The following HDAC9 variants were observed in gnomAD, a reference collection of about 807,000 sequenced individuals.
The protein encoded by HDAC9 is histone deacetylase 9.
A neutral mutation model predicts 139.4 loss-of-function variants in HDAC9; 41 were observed. The observed-to-expected ratio is 0.29, with a 90% CI of 0.23 to 0.38. HDAC9 has a LOEUF of 0.38. Among genes scored for constraint, HDAC9 ranks in the 10% least tolerant of loss-of-function variants. HDAC9 has a pLI of 1.00. For synonymous variants in HDAC9, 517 were observed against 476.2 expected, an observed-to-expected ratio of 1.09 and a Z score of -1.12; for missense variants, 1,147 against 1,297.0, an observed-to-expected ratio of 0.88 and a Z score of 1.78.
chr7:18,919,284 T>A (rs1395849962), intron 22 of HDAC9, among the ~76,000 whole-genome samples: 1 of 152,062 alleles, frequency 6.6e-6, no homozygotes. Flanking sequence ...TAACTGTTTA[T>A]ACTTCATCAT....
Position 18,732,837 on chromosome 7 carries a change from G to GTA in HDAC9, c.1909+5081_1909+5082dup, listed in dbSNP as rs1394604384. ...CACACGTGTGTATGTGTGCGTATGT[G>GTA]TACACACACGTGTGTATGTGTGCGT... is the stretch of plus-strand genomic sequence containing the variant. On this transcript the variant is annotated intron_variant, in intron 13 of 25. Coordinates refer to ENST00000686413, the MANE Select transcript of HDAC9 (RefSeq NM_178425.4). Among the ~76,000 whole-genome samples the GTA allele has an allele frequency of 6.0e-4, 57 of 94,592 alleles. 2 individuals carry two copies. Among genetic ancestry groups the GTA allele is most frequent in the African/African-American group, 1.7e-3 (31 of 18,732 alleles). The allele number at this position is 94,592 out of a possible 152,430, so 62.1% of individuals were successfully genotyped here.
At chr7:18,393,091 A>C (rs1411930900) in intron 1 of HDAC9, among the ~76,000 whole-genome samples, 1 of 151,136 alleles carries the variant, frequency 6.6e-6, no homozygotes, top group East Asian at 1.9e-4. Context: ...ATACAAAAAA[A>C]TTGCTGATGA....
chr7:18,552,617 A>T lies in HDAC9; in HGVS notation c.23-32664A>T, dbSNP rs181188663. On this transcript the variant is annotated intron_variant, in intron 2 of 25. Transcript: ENST00000686413. ...TTTTCTGGTGAGCAATTTAACTGCTACCTCCATTTGGCATATTCTCCCACT... is the reference window on the plus strand; with the variant it reads ...TTTTCTGGTGAGCAATTTAACTGCTTCCTCCATTTGGCATATTCTCCCACT... Among the ~76,000 whole-genome samples the T allele has an allele frequency of 1.8e-4, 27 of 152,258 alleles. 1 individual carries two copies. In the East Asian group the frequency reaches 5.0e-3, roughly 28 times the overall value.
intron 21 of HDAC9, among the ~76,000 whole-genome samples, chr7:18,861,667 T>C (rs373513128): frequency 1.3e-5 from 2 of 152,342 alleles, no homozygotes; most frequent in South Asian, 4.1e-4. Context: ...GAAATGTTAC[T>C]GGCTACGTGA....
chr7:18,971,391 T>C (rs1477774070), intron 24 of HDAC9, among the ~76,000 whole-genome samples: 1 of 152,208 alleles, frequency 6.6e-6, no homozygotes, highest in Admixed American at 6.5e-5. Flanking sequence ...GGCTCATTAC[T>C]AATATTTGAC....
chr7:18,702,074 G>A (rs1783533597), intron 12 of HDAC9, among the ~76,000 whole-genome samples: 1 of 151,834 alleles, frequency 6.6e-6, no homozygotes, highest in South Asian at 2.1e-4. Flanking sequence ...TTGCAAGCCA[G>A]GCACCATTTG....
intron 2 of HDAC9, among the ~76,000 whole-genome samples, chr7:18,500,178 C>T (rs980429706): frequency 4.6e-5 from 7 of 151,864 alleles, no homozygotes. Context: ...TTGTTATGTC[C>T]GTTAAGTAAG....
At chr7:18,785,569 T>TA (rs1258721910) in intron 16 of HDAC9, among the ~76,000 whole-genome samples, 1 of 151,998 alleles carries the variant, frequency 6.6e-6, no homozygotes, top group South Asian at 2.1e-4. Flanking sequence ...ACATTTGATT[T>TA]AAAAAAAATA....
intron 7 of HDAC9, among the ~76,000 whole-genome samples, chr7:18,633,587 A>G (rs1782964164): frequency 6.6e-6 from 1 of 152,094 alleles, no homozygotes; most frequent in African/African-American, 2.4e-5. Context: ...AATCATGAGT[A>G]GAAAGAAAAG....
chr7:18,369,106 G>A (rs1466708463), intron 1 of HDAC9, among the ~76,000 whole-genome samples: 1 of 151,912 alleles, frequency 6.6e-6, no homozygotes, highest in Non-Finnish European at 1.5e-5. Flanking sequence ...TCTTTTATAT[G>A]TTTAAAGTGA....
chr7:18,762,089 A>G, intron 14 of HDAC9, 68 bp from the exon 15 acceptor site: 1 of 1,552,186 alleles, frequency 6.4e-7, no homozygotes, highest in Non-Finnish European at 8.9e-7. Flanking sequence ...CTTAAATGTG[A>G]CTTGGGGTCT....
intron 1 of HDAC9, among the ~76,000 whole-genome samples, chr7:18,096,601 T>C (rs1782516801): frequency 6.6e-6 from 1 of 152,198 alleles, no homozygotes; most frequent in African/African-American, 2.4e-5. Context: ...TCTTGCCTTA[T>C]GTTGTGTGTC....
At chr7:18,661,469 A>G (rs1793112927) in intron 11 of HDAC9, among the ~76,000 whole-genome samples, 2 of 152,138 alleles carry the variant, frequency 1.3e-5, no homozygotes, top group Admixed American at 1.3e-4. Flanking sequence ...TCATGAGAAT[A>G]TATAGCTATT....
intron 1 of HDAC9, among the ~76,000 whole-genome samples, chr7:18,314,717 A>G (rs1036788954): frequency 2.0e-5 from 3 of 152,180 alleles, no homozygotes; most frequent in African/African-American, 7.2e-5. Flanking sequence ...TTGAGTTGTC[A>G]TGGTTGATAT....
At chr7:18,794,445 T>C (rs1792605534) in intron 17 of HDAC9, among the ~76,000 whole-genome samples, 1 of 152,216 alleles carries the variant, frequency 6.6e-6, no homozygotes, top group South Asian at 2.1e-4. Flanking sequence ...GCAACGTTTG[T>C]CCAAGAAGTC....
chr7:18,574,155 T>C (rs1374394321), intron 2 of HDAC9, among the ~76,000 whole-genome samples: 1 of 152,124 alleles, frequency 6.6e-6, no homozygotes, highest in Non-Finnish European at 1.5e-5. Context: ...AGTGTCCAGC[T>C]CTCAGTGGAG....
At chr7:18,701,277 T>C (rs1376034846) in intron 12 of HDAC9, among the ~76,000 whole-genome samples, 1 of 152,022 alleles carries the variant, frequency 6.6e-6, no homozygotes, top group East Asian at 1.9e-4. Flanking sequence ...ATTCTAGTCA[T>C]TGGAGATATT....
chr7:18,734,462 G>C (rs1786695500), intron 13 of HDAC9, among the ~76,000 whole-genome samples: 2 of 152,118 alleles, frequency 1.3e-5, no homozygotes, highest in South Asian at 4.1e-4. Context: ...TCCCACCTGT[G>C]AGTGAGAACA....
intron 10 of HDAC9, 22 bp from the exon 11 acceptor site, chr7:18,648,444 A>G: frequency 6.4e-7 from 1 of 1,553,662 alleles, no homozygotes; most frequent in Non-Finnish European, 8.9e-7. Context: ...ATACACACAT[A>G]TACATGTATT....
Sources: allele counts gnomAD v4.1 joint callset (sites outside exome capture counted in the v4.1 genomes callset), GRCh38; gene constraint gnomAD v4.1.1; transcripts MANE v1.5; gene names NCBI Gene and HGNC (gene_info 2026-07-23, HGNC 2026-07-21).